The following ARHGAP18 variants were observed in gnomAD, a reference collection of about 807,000 sequenced individuals.
ARHGAP18 encodes the protein rho GTPase-activating protein 18.
In ARHGAP18, 67 loss-of-function variants were observed where a neutral mutation model predicts 86.2. The observed-to-expected ratio is 0.78, with a 90% CI of 0.64 to 0.95. The LOEUF is 0.95. Ranked by LOEUF, ARHGAP18 falls within the 40% of genes least tolerant of loss-of-function variation. The pLI is 0.00. For missense variants in ARHGAP18, 691 were observed against 780.4 expected (o/e 0.89, Z 1.37); for synonymous variants, 283 against 280.4 (o/e 1.01, Z -0.09).
rs536652566 is a variant in ARHGAP18 at position 129,646,565 on chromosome 6, A to G, written c.114-4547T>C. On this transcript the variant is annotated intron_variant, in intron 1 of 14. Transcript: ENST00000368149. ...TAAACGCAGAAACAAAATATTTTAA[A>G]TGCTATTCACTTAAGAATAAACATC... 6.7e-4 allele frequency among the ~76,000 whole-genome samples: 102 copies of G among 152,358 alleles called. 3 individuals carry two copies. In the Middle Eastern group the frequency reaches 0.014, roughly 20 times the overall value.
intron 5 of ARHGAP18, among the ~76,000 whole-genome samples, chr6:129,624,671 A>G (rs569395466): frequency 6.6e-6 from 1 of 152,064 alleles, no homozygotes; most frequent in East Asian, 1.9e-4. Flanking sequence ...AAGGCCAGGC[A>G]CAGTGGCTCA....
At chr6:129,705,116 G>C (rs940015595) in intron 1 of ARHGAP18, among the ~76,000 whole-genome samples, 2 of 152,150 alleles carry the variant, frequency 1.3e-5, no homozygotes, top group Non-Finnish European at 2.9e-5. Flanking sequence ...CCTGCACCCA[G>C]ATGTTTGTCT....
intron 4 of ARHGAP18, among the ~76,000 whole-genome samples, chr6:129,632,412 T>G (rs1773236977): frequency 6.6e-6 from 1 of 152,182 alleles, no homozygotes; most frequent in Non-Finnish European, 1.5e-5. Context: ...CCAGAACTTT[T>G]GTTGATATAG....
At chr6:129,679,927 C>T (rs1460536360) in intron 1 of ARHGAP18, among the ~76,000 whole-genome samples, 5 of 152,204 alleles carry the variant, frequency 3.3e-5, no homozygotes, top group African/African-American at 9.7e-5. Flanking sequence ...CCAGTCCTTG[C>T]CTCTTCCAGT....
intron 1 of ARHGAP18, among the ~76,000 whole-genome samples, chr6:129,693,843 A>C (rs17057622): frequency 0.045 from 6,832 of 152,298 alleles, 201 homozygotes; most frequent in African/African-American, 0.062. Context: ...AGTACTTAGA[A>C]TTAGAGAGTG....
intron 12 of ARHGAP18, among the ~76,000 whole-genome samples, chr6:129,590,458 A>G (rs1364258807): frequency 6.6e-6 from 1 of 152,166 alleles, no homozygotes; most frequent in Non-Finnish European, 1.5e-5. Flanking sequence ...GTGTAATGTT[A>G]GGTAATTGAC....
At chr6:129,652,338 T>C (rs982731679) in intron 1 of ARHGAP18, among the ~76,000 whole-genome samples, 1 of 152,228 alleles carries the variant, frequency 6.6e-6, no homozygotes, top group Non-Finnish European at 1.5e-5. Context: ...ATCTAAATTT[T>C]TGTCAACCTT....
At chr6:129,687,424 A>C (rs1337356782) in intron 1 of ARHGAP18, among the ~76,000 whole-genome samples, 2 of 152,212 alleles carry the variant, frequency 1.3e-5, no homozygotes, top group East Asian at 1.9e-4. Flanking sequence ...GGGCTGACAA[A>C]CCACAACAAC....
chr6:129,698,435 T>G (rs1435654489), intron 1 of ARHGAP18, among the ~76,000 whole-genome samples: 1 of 152,168 alleles, frequency 6.6e-6, no homozygotes, highest in Non-Finnish European at 1.5e-5. Flanking sequence ...AAGCCAGATC[T>G]CTACAGCCAA....
intron 2 of ARHGAP18, among the ~76,000 whole-genome samples, chr6:129,641,353 G>C: frequency 6.6e-6 from 1 of 152,194 alleles, no homozygotes; most frequent in South Asian, 2.1e-4. Context: ...TACAGCAAGA[G>C]AGTCAAAGTT....
chr6:129,621,788 A>T (rs897250046), intron 5 of ARHGAP18, among the ~76,000 whole-genome samples: 56 of 152,268 alleles, frequency 3.7e-4, no homozygotes, highest in Middle Eastern at 3.4e-3. Flanking sequence ...TTATCGAAAA[A>T]CAGTTCATTT....
chr6:129,680,099 C>T (rs1774299919), intron 1 of ARHGAP18, among the ~76,000 whole-genome samples: 1 of 152,194 alleles, frequency 6.6e-6, no homozygotes, highest in African/African-American at 2.4e-5. Flanking sequence ...AGGATAATTT[C>T]CCATCTCAAG....
intron 10 of ARHGAP18, among the ~76,000 whole-genome samples, chr6:129,605,570 G>T (rs1407246062): frequency 6.6e-6 from 1 of 151,340 alleles, no homozygotes; most frequent in African/African-American, 2.4e-5. Flanking sequence ...GCAAAAAAAA[G>T]AAATAAGAAG....
At chr6:129,679,481 C>A (rs993040978) in intron 1 of ARHGAP18, among the ~76,000 whole-genome samples, 1 of 152,134 alleles carries the variant, frequency 6.6e-6, no homozygotes, top group African/African-American at 2.4e-5. Flanking sequence ...CTACTACATG[C>A]CAAGTAATGT....
intron 1 of ARHGAP18, among the ~76,000 whole-genome samples, chr6:129,693,385 TG>T (rs1415120215): frequency 2.0e-5 from 3 of 152,242 alleles, no homozygotes; most frequent in African/African-American, 7.2e-5. Flanking sequence ...TTCTGTGTCA[TG>T]CTGGTTCCGG....
At chr6:129,638,789 A>G (rs1162261414) in intron 2 of ARHGAP18, among the ~76,000 whole-genome samples, 160 bp from the exon 3 acceptor site, 1 of 152,258 alleles carries the variant, frequency 6.6e-6, no homozygotes, top group Admixed American at 6.5e-5. Context: ...CACTCCAGCC[A>G]CAATGACATC....
intron 10 of ARHGAP18, among the ~76,000 whole-genome samples, chr6:129,601,894 C>A (rs1788754320): frequency 6.6e-6 from 1 of 151,930 alleles, no homozygotes; most frequent in African/African-American, 2.4e-5. Flanking sequence ...TTCCAAAGTG[C>A]TAGGATTACA....
chr6:129,667,075 C>T (rs1774053728), intron 1 of ARHGAP18, among the ~76,000 whole-genome samples: 1 of 151,984 alleles, frequency 6.6e-6, no homozygotes, highest in Non-Finnish European at 1.5e-5. Context: ...GAAGCACTTA[C>T]AAATTATAAT....
At chr6:129,625,411 T>TAA (rs1789377279) in intron 5 of ARHGAP18, among the ~76,000 whole-genome samples, 1 of 42,278 alleles carries the variant, frequency 2.4e-5, no homozygotes, top group Non-Finnish European at 4.0e-5. Flanking sequence ...GTATTATATA[T>TAA]TATATATAAT....
Sources: allele counts gnomAD v4.1 joint callset (sites outside exome capture counted in the v4.1 genomes callset), GRCh38; gene constraint gnomAD v4.1.1; transcripts MANE v1.5; gene names NCBI Gene and HGNC (gene_info 2026-07-23, HGNC 2026-07-21).